Variants in TMPRSS4 observed in about 807,000 individuals in gnomAD.
TMPRSS4 encodes transmembrane protease serine 4.
In TMPRSS4, 45 loss-of-function variants were observed where a neutral mutation model predicts 56.4. The ratio of observed to expected loss-of-function variants is 0.80; its 90% CI spans 0.63 to 1.02. The LOEUF (loss-of-function observed/expected upper bound fraction) is 1.02, where lower values mean the gene tolerates loss of function less well. TMPRSS4 is among the 50% of genes least tolerant of loss of function. TMPRSS4 has a pLI of 0.00. For synonymous variants in TMPRSS4, 205 were observed against 211.0 expected, an observed-to-expected ratio of 0.97 and a Z score of 0.25; for missense variants, 546 against 556.7, an observed-to-expected ratio of 0.98 and a Z score of 0.19.
At position 118,120,876 on chromosome 11, in the gene TMPRSS4, C is replaced by G. The variant is rs1403052149; in HGVS notation, c.*2963C>G. On this transcript the variant is annotated 3_prime_UTR_variant, in exon 13 of 13. Transcript: ENST00000437212. Reference sequence around the variant, plus strand: ...GTGTGAATCCACAGAACATACACCACCATAGTGTACACGCATACAACCAAG... The same window carrying G: ...GTGTGAATCCACAGAACATACACCAGCATAGTGTACACGCATACAACCAAG... The G allele has an allele frequency of 6.6e-6, 1 of 152,168 alleles. No homozygotes were observed. The highest frequency in any genetic ancestry group is 1.5e-5 in the Non-Finnish European group (1 of 68,050). 9.4% of individuals were successfully genotyped at this position (152,168 alleles called of 1,614,324 possible).
rs1227383074 is a variant in TMPRSS4, at chr11:118,113,391, A to G, written c.866A>G (p.Asn289Ser). 1 of 1,614,134 alleles carries G rather than the reference A, an allele frequency of 6.2e-7. No individual in the cohort carries two copies. The highest frequency in any genetic ancestry group is 8.5e-7 in the Non-Finnish European group (1 of 1,180,014). The change falls in exon 9 of 13, where the codon AAT becomes AGT. Residue 289 changes from asparagine (N) to serine (S), a missense_variant. Physicochemically the swap from Asn to Ser is conservative, Grantham distance 46 (BLOSUM62 1). Coordinates refer to ENST00000437212, the MANE Select transcript of TMPRSS4 (RefSeq NM_019894.4). ...IEFNPMYPKD[N>S]DIALMKLQFP... The stretch of plus-strand genomic sequence containing the variant: ...TTCAACCCCATGTACCCCAAAGACA[A>G]TGACATCGCCCTCATGAAGCTGCAG...
At chr11:118,080,403 C>A (rs2135204062) in intron 1 of TMPRSS4, among the ~76,000 whole-genome samples, 1 of 152,298 alleles carries the variant, frequency 6.6e-6, no homozygotes, top group Non-Finnish European at 1.5e-5. Flanking sequence ...CACTCCAGGT[C>A]ATGGGAGCTG....
intron 7 of TMPRSS4, among the ~76,000 whole-genome samples, chr11:118,109,297 A>AT (rs1251971734): frequency 4.6e-5 from 7 of 152,222 alleles, no homozygotes; most frequent in Non-Finnish European, 1.0e-4. Context: ...TTGAGCAACT[A>AT]TTCATTGAAC....
At chr11:118,104,295 TC>T (rs1946875942) in intron 4 of TMPRSS4, among the ~76,000 whole-genome samples, 1 of 152,108 alleles carries the variant, frequency 6.6e-6, no homozygotes, top group Non-Finnish European at 1.5e-5. Flanking sequence ...CTCAGACATT[TC>T]CCCAGGCTGG....
chr11:118,110,201 C>G (rs1168544176), intron 7 of TMPRSS4, among the ~76,000 whole-genome samples: 1 of 152,212 alleles, frequency 6.6e-6, no homozygotes, highest in Non-Finnish European at 1.5e-5. Context: ...TGCCCCAGGA[C>G]AGAGAGCACT....
At chr11:118,100,296 A>C (rs937099334) in intron 3 of TMPRSS4, among the ~76,000 whole-genome samples, 1 of 152,216 alleles carries the variant, frequency 6.6e-6, no homozygotes, top group Middle Eastern at 3.2e-3. Context: ...CAGGACATGC[A>C]TTTGCTAATT....
At chr11:118,082,504 T>A (rs1945217377) in intron 1 of TMPRSS4, among the ~76,000 whole-genome samples, 2 of 149,814 alleles carry the variant, frequency 1.3e-5, no homozygotes, top group Middle Eastern at 3.4e-3. Flanking sequence ...GAGGTTGCAG[T>A]AAGCCGAGAT....
At chr11:118,083,105 C>T (rs1945282254) in intron 1 of TMPRSS4, among the ~76,000 whole-genome samples, 1 of 152,174 alleles carries the variant, frequency 6.6e-6, no homozygotes, top group Admixed American at 6.5e-5. Context: ...GTGCTCAGAG[C>T]CCTTATCTGA....
At chr11:118,100,319 C>A (rs1036584942) in intron 3 of TMPRSS4, among the ~76,000 whole-genome samples, 3 of 152,260 alleles carry the variant, frequency 2.0e-5, no homozygotes, top group Admixed American at 2.0e-4. Context: ...GGCAGGACTG[C>A]CTGTGCAGCC....
intron 1 of TMPRSS4, among the ~76,000 whole-genome samples, chr11:118,093,940 A>T (rs923210602): frequency 6.6e-6 from 1 of 152,052 alleles, no homozygotes; most frequent in Admixed American, 6.6e-5. Flanking sequence ...CATTATGTCC[A>T]TGGAATTCAT....
Position 118,077,268 on chromosome 11 carries a change from G to A in TMPRSS4, c.-35G>A. ...CCTTGGGGTGACAATCTCAGCTCCAGGCTACAGGGAGACCGGGAGGATCAC... is the reference window on the plus strand; with the variant it reads ...CCTTGGGGTGACAATCTCAGCTCCAAGCTACAGGGAGACCGGGAGGATCAC... On this transcript the variant is annotated 5_prime_UTR_variant, in exon 1 of 13. Transcript: ENST00000437212. 1 of 1,596,802 alleles carries A rather than the reference G, an allele frequency of 6.3e-7. No homozygotes were observed. The highest frequency in any genetic ancestry group is 8.5e-7 in the Non-Finnish European group (1 of 1,171,662).
At chr11:118,107,587 G>A (rs1372514766) in intron 5 of TMPRSS4, 187 bp from the exon 6 acceptor site, 1 of 500,052 alleles carries the variant, frequency 2.0e-6, no homozygotes, top group East Asian at 3.0e-5. Context: ...GGGATGCCAA[G>A]GGTCGGTTCT....
chr11:118,114,454 T>A (rs1360993010), intron 9 of TMPRSS4, among the ~76,000 whole-genome samples: 1 of 152,192 alleles, frequency 6.6e-6, no homozygotes, highest in African/African-American at 2.4e-5. Flanking sequence ...GTGGCTTCCA[T>A]GGGCAGGTCT....
chr11:118,104,863 T>C, intron 5 of TMPRSS4, 43 bp downstream of exon 5: 1 of 1,500,066 alleles, frequency 6.7e-7, no homozygotes, highest in Non-Finnish European at 8.9e-7. Context: ...CCTTCCTCCT[T>C]CCTCCTCTTC....
At chr11:118,083,021 C>T (rs1396770274) in intron 1 of TMPRSS4, among the ~76,000 whole-genome samples, 4 of 152,142 alleles carry the variant, frequency 2.6e-5, no homozygotes, top group Non-Finnish European at 5.9e-5. Context: ...GGACTGTCCC[C>T]CACCCCCGCC....
chr11:118,105,808 GACATCACCA>G (rs1290526700), intron 5 of TMPRSS4: 1 of 152,236 alleles, frequency 6.6e-6, no homozygotes, highest in Non-Finnish European at 1.5e-5. Flanking sequence ...CTACTAGGCA[GACATCACCA>G]ACCAATCACA....
chr11:118,108,560 C>T (rs370259031), intron 6 of TMPRSS4: 26 of 426,602 alleles, frequency 6.1e-5, no homozygotes, highest in Middle Eastern at 6.3e-4. Flanking sequence ...GACTCTGTTC[C>T]GGGCTCTGTC....
Position 118,081,457 on chromosome 11 carries a change from G to T in TMPRSS4, c.3+4152G>T, listed in dbSNP as rs979414364. 2.0e-5 allele frequency among the ~76,000 whole-genome samples: 3 copies of T among 152,206 alleles called. No homozygotes were observed. In the East Asian group the frequency reaches 5.8e-4, roughly 29 times the overall value. ...AAATGTGTAAACAAGATGGAAAACCGCAACAGTCCTCCCCTGCCCGTGGCC... is the reference window on the plus strand; with the variant it reads ...AAATGTGTAAACAAGATGGAAAACCTCAACAGTCCTCCCCTGCCCGTGGCC... On this transcript the variant is annotated intron_variant, in intron 1 of 12. Coordinates refer to ENST00000437212, the MANE Select transcript of TMPRSS4 (RefSeq NM_019894.4).
intron 5 of TMPRSS4, chr11:118,106,397 T>C (rs1443030926): frequency 6.6e-6 from 1 of 152,180 alleles, no homozygotes; most frequent in Non-Finnish European, 1.5e-5. Flanking sequence ...CTCTACTTTC[T>C]TTCCTCTCTC....
Sources: gnomAD v4.1 joint callset for allele counts (sites outside exome capture counted in the v4.1 genomes callset) on GRCh38, gnomAD v4.1.1 for gene constraint, MANE v1.5 for transcripts, NCBI Gene and HGNC (gene_info 2026-07-23, HGNC 2026-07-21) for gene names.